Variants in CACNA1S observed in about 807,000 individuals in gnomAD.
CACNA1S encodes calcium voltage-gated channel subunit alpha1 S, also known as voltage-dependent L-type calcium channel subunit alpha-1S.
A neutral mutation model predicts 207.4 loss-of-function variants in CACNA1S; 126 were observed. The observed-to-expected ratio is 0.61, with a 90% CI of 0.53 to 0.70. CACNA1S has a LOEUF of 0.70. CACNA1S is among the 30% of genes least tolerant of loss of function. CACNA1S has a pLI of 0.00. For synonymous variants in CACNA1S, 960 were observed against 932.7 expected, an observed-to-expected ratio of 1.03 and a Z score of -0.53; for missense variants, 2,349 against 2,422.8, an observed-to-expected ratio of 0.97 and a Z score of 0.64.
At chr1:201,042,128 ATTTGT>A (rs796347831) in intron 40 of CACNA1S, among the ~76,000 whole-genome samples, 12 of 151,956 alleles carry the variant, frequency 7.9e-5, no homozygotes, top group African/African-American at 2.2e-4. Context: ...TTTTTTGTTT[ATTTGT>A]TTTGTTTTGT....
At chr1:201,101,989 T>C (rs1426525914) in intron 2 of CACNA1S, among the ~76,000 whole-genome samples, 1 of 152,184 alleles carries the variant, frequency 6.6e-6, no homozygotes, top group Non-Finnish European at 1.5e-5. Context: ...AGGGGCTTTC[T>C]CTTTCAAGGA....
intron 38 of CACNA1S, among the ~76,000 whole-genome samples, chr1:201,046,206 G>T (rs1326583540): frequency 6.6e-6 from 1 of 151,498 alleles, no homozygotes; most frequent in Non-Finnish European, 1.5e-5. Flanking sequence ...TTTTGAGATG[G>T]AGTCTTACTC....
intron 2 of CACNA1S, among the ~76,000 whole-genome samples, chr1:201,095,664 C>T (rs1230143965): frequency 1.3e-5 from 2 of 152,158 alleles, no homozygotes; most frequent in Non-Finnish European, 2.9e-5. Context: ...TTTGTGATCC[C>T]AAAGCTTTCC....
chr1:201,067,103 G>A (rs1286223876), intron 19 of CACNA1S, 110 bp from the exon 20 acceptor site: 5 of 741,638 alleles, frequency 6.7e-6, no homozygotes, highest in Non-Finnish European at 1.2e-5. Flanking sequence ...TGAGGCAATA[G>A]CCTTCCAGAA....
rs141962712 is a variant in CACNA1S at position 201,057,948 on chromosome 1, C to T, written c.3609+460G>A. Reference sequence around the variant, plus strand: ...TCTCCAGCCTTGCCCTCTCTGTTCTCTTCTCTGCATGTTCTTATGCTTCCA... The same window carrying T: ...TCTCCAGCCTTGCCCTCTCTGTTCTTTTCTCTGCATGTTCTTATGCTTCCA... On this transcript the variant is annotated intron_variant, in intron 28 of 43. Coordinates refer to ENST00000362061, the MANE Select transcript of CACNA1S (RefSeq NM_000069.3). Among the ~76,000 whole-genome samples, 800 of 152,360 alleles carry T rather than the reference C, an allele frequency of 5.3e-3. 8 individuals are homozygous for T. Among genetic ancestry groups the T allele is most frequent in the Middle Eastern group, 6.8e-3 (2 of 294 alleles).
chr1:201,091,404 G>GGGT (rs3215797), intron 5 of CACNA1S, among the ~76,000 whole-genome samples: 1 of 152,140 alleles, frequency 6.6e-6, no homozygotes, highest in Non-Finnish European at 1.5e-5. Flanking sequence ...GGGCAGGGGG[G>GGGT]TGACGGTGTT....
In CACNA1S at chr1:201,085,439, C is replaced by A. The variant is rs1553252245; in HGVS notation, c.1147G>T (p.Glu383Ter). ...GEVMDVEDFR[E>*]GKLSLDEGGS... ...ACCACAGCCTTTGGGCCCAAACCTT[C>A]TCTGAAGTCCTCAACATCCATGACC... is the stretch of plus-strand genomic sequence containing the variant. Residue 383 changes from glutamate (E) to a stop codon, truncating the protein, a stop_gained, in exon 8 of 44, where the codon GAA becomes TAA. Coordinates refer to ENST00000362061, the MANE Select transcript of CACNA1S (RefSeq NM_000069.3). LOFTEE classifies it high-confidence loss of function. 1 of 1,613,754 alleles carries A rather than the reference C, an allele frequency of 6.2e-7. No homozygotes were observed. Among genetic ancestry groups the A allele is most frequent in the South Asian group, 1.1e-5 (1 of 91,050 alleles).
rs1225542975 is a variant in CACNA1S at position 201,041,489 on chromosome 1, A to G, written c.5134+15T>C. The G allele has an allele frequency of 6.9e-6, 11 of 1,603,190 alleles. No homozygotes were observed. Among genetic ancestry groups the G allele is most frequent in the African/African-American group, 2.7e-5 (2 of 74,698 alleles). Reference sequence around the variant, plus strand: ...GAGAAGACTCAAGCTTCTTAGATGCACAGAAGGGACTGACCCAGGACCCTG... The same window carrying G: ...GAGAAGACTCAAGCTTCTTAGATGCGCAGAAGGGACTGACCCAGGACCCTG... On this transcript the variant is annotated intron_variant, in intron 41 of 43. Coordinates refer to ENST00000362061, the MANE Select transcript of CACNA1S (RefSeq NM_000069.3).
At chr1:201,062,240 A>G in intron 23 of CACNA1S, 150 bp from the exon 24 acceptor site, 2 of 1,110,332 alleles carry the variant, frequency 1.8e-6, no homozygotes, top group Non-Finnish European at 2.7e-6. Flanking sequence ...GTCCGAGGAA[A>G]GGGGCCTCTG....
At chr1:201,083,460 C>T in intron 9 of CACNA1S, 138 bp from the exon 10 acceptor site, 1 of 846,098 alleles carries the variant, frequency 1.2e-6, no homozygotes, top group Non-Finnish European at 2.0e-6. Context: ...AAGCTCAGGG[C>T]ATGAGCTAGG....
rs1394367916 is a variant in CACNA1S at position 201,053,309 on chromosome 1, A to C, written c.3796-35T>G. On this transcript the variant is annotated intron_variant, in intron 30 of 43. Coordinates refer to ENST00000362061, the MANE Select transcript of CACNA1S (RefSeq NM_000069.3). This position sits in a 1 kb window ranked among gnomAD's most constrained non-coding sequence, Gnocchi z 5.1. ...GGGCGGGAGCGCCAGTCAGTGTCTT[A>C]GGGCTCCACTGTGTGTCTGCAGCCC... is the stretch of plus-strand genomic sequence containing the variant. 3.7e-6 allele frequency: 6 copies of C among 1,611,630 alleles called. No homozygotes were observed. In the East Asian group the frequency reaches 1.1e-4, roughly 30 times the overall value.
At chr1:201,099,315 C>A (rs1280822770) in intron 2 of CACNA1S, among the ~76,000 whole-genome samples, 1 of 152,164 alleles carries the variant, frequency 6.6e-6, no homozygotes, top group Non-Finnish European at 1.5e-5. Flanking sequence ...CCATGTGCCC[C>A]GCTGGAGGGT....
chr1:201,078,341 G>A (rs543639774), intron 10 of CACNA1S, among the ~76,000 whole-genome samples: 33 of 151,930 alleles, frequency 2.2e-4, no homozygotes, highest in Admixed American at 1.5e-3. Context: ...CCCCACTACC[G>A]GCATGCACCA....
At chr1:201,088,525 C>A (rs535246058) in intron 6 of CACNA1S, among the ~76,000 whole-genome samples, 4 of 152,220 alleles carry the variant, frequency 2.6e-5, no homozygotes, top group Non-Finnish European at 4.4e-5. Context: ...CCCCCACCCC[C>A]ACAATAGGCG....
chr1:201,065,645 G>A (rs770690870), intron 22 of CACNA1S, among the ~76,000 whole-genome samples, 193 bp downstream of exon 22: 8 of 152,300 alleles, frequency 5.3e-5, no homozygotes, highest in Non-Finnish European at 1.0e-4. Flanking sequence ...TAAATGTAAC[G>A]ATGTCTTACT....
chr1:201,077,998 G>A lies in CACNA1S; in HGVS notation c.1500C>T (p.Asp500=), dbSNP rs750591211. 3.7e-6 allele frequency: 6 copies of A among 1,614,070 alleles called. No individual in the cohort carries two copies. The Admixed American group carries it at 6.7e-5, about 18-fold the overall frequency. ...QYFMSIFNRF[D]CFVVCSGILE... is the part of the protein sequence containing the mutation. ...GGATACCGCTACACACCACGAAGCA[G>A]TCGAAGCGGTTGAAGATAGACATGA... The change falls in exon 11 of 44, where the codon GAC becomes GAT. Residue 500 remains aspartate, a synonymous_variant. Coordinates refer to ENST00000362061, the MANE Select transcript of CACNA1S (RefSeq NM_000069.3).
chr1:201,099,711 C>T (rs1489910074), intron 2 of CACNA1S, among the ~76,000 whole-genome samples: 1 of 152,210 alleles, frequency 6.6e-6, no homozygotes, highest in Non-Finnish European at 1.5e-5. Flanking sequence ...GCTCTCCACA[C>T]AGGCTTGGCA....
At chr1:201,073,413 G>A (rs993812511) in intron 15 of CACNA1S, 136 bp downstream of exon 15, 27 of 787,184 alleles carry the variant, frequency 3.4e-5, no homozygotes, top group Middle Eastern at 3.3e-4. Flanking sequence ...CCAGTCGTAC[G>A]CAGGGAGATG....
chr1:201,062,618 G>A (rs1661101776), intron 22 of CACNA1S, 104 bp from the exon 23 acceptor site: 1 of 1,024,430 alleles, frequency 9.8e-7, no homozygotes, highest in Non-Finnish European at 1.5e-6. Context: ...AGGGAAGGCA[G>A]GCATCTGAAA....
Sources: gnomAD v4.1 joint callset for allele counts (sites outside exome capture counted in the v4.1 genomes callset) on GRCh38, gnomAD v4.1.1 for gene constraint, Gnocchi (gnomAD v3.1) non-coding constraint, MANE v1.5 for transcripts, NCBI Gene and HGNC (gene_info 2026-07-23, HGNC 2026-07-21) for gene names.